Variants in CTXN2 observed in about 807,000 individuals in gnomAD.
CTXN2 encodes the protein cortexin 2.
In CTXN2, 3 loss-of-function variants were observed where a neutral mutation model predicts 5.7. The ratio of observed to expected loss-of-function variants is 0.53; its 90% CI spans 0.24 to 1.36. CTXN2 has a LOEUF of 1.36. CTXN2 is among the 40% of genes most tolerant of loss of function. The pLI is 0.17. For synonymous variants in CTXN2, 38 were observed against 36.4 expected (o/e 1.04, Z -0.16); for missense variants, 87 against 93.0 (o/e 0.94, Z 0.26).
chr15:48,193,412 C>G (rs1312993558), intron 1 of CTXN2, among the ~76,000 whole-genome samples: 1 of 151,404 alleles, frequency 6.6e-6, no homozygotes, highest in African/African-American at 2.4e-5. Context: ...TAATATATTT[C>G]AAATAACTTT....
intron 1 of CTXN2, among the ~76,000 whole-genome samples, chr15:48,185,263 G>T (rs1315823084): frequency 6.6e-6 from 1 of 152,068 alleles, no homozygotes; most frequent in Non-Finnish European, 1.5e-5. Context: ...CCAACAAAAA[G>T]AATAAACTCT....
intron 1 of CTXN2, among the ~76,000 whole-genome samples, chr15:48,182,113 C>G (rs1307134085): frequency 6.6e-6 from 1 of 152,104 alleles, no homozygotes; most frequent in Non-Finnish European, 1.5e-5. Context: ...CCTCCTTTCT[C>G]TCTCTCTCTC....
chr15:48,184,287 T>TGGC (rs2040727394), intron 1 of CTXN2, among the ~76,000 whole-genome samples: 1 of 152,194 alleles, frequency 6.6e-6, no homozygotes, highest in Non-Finnish European at 1.5e-5. Flanking sequence ...ATGAGAGGTG[T>TGGC]GGCTTTTATT....
chr15:48,179,418 T>C (rs11070628), intron 1 of CTXN2, among the ~76,000 whole-genome samples: 2,839 of 22,302 alleles, frequency 0.13, 54 homozygotes, highest in Middle Eastern at 0.25. Context: ...CACACACACA[T>C]ACACACACAC....
intron 1 of CTXN2, chr15:48,192,313 G>A (rs2040831950): frequency 6.5e-6 from 1 of 154,462 alleles, no homozygotes; most frequent in African/African-American, 2.4e-5. Context: ...GCCATCCAAA[G>A]ATTCTCTTAA....
upstream of CTXN2, chr15:48,191,469 G>C (rs557757476): frequency 9.2e-4 from 248 of 270,398 alleles, no homozygotes; most frequent in Non-Finnish European, 1.6e-3. Context: ...CTGAAGAATA[G>C]AGCCTGTTGC....
At chr15:48,178,557 C>T (rs2040648868) in intron 1 of CTXN2, 1 of 301,136 alleles carries the variant, frequency 3.3e-6, no homozygotes, top group African/African-American at 2.2e-5. Flanking sequence ...CCCACCAGCC[C>T]GCCTGTCGCT....
chr15:48,195,305 C>G (rs1237291271), intron 1 of CTXN2, among the ~76,000 whole-genome samples: 5 of 151,978 alleles, frequency 3.3e-5, no homozygotes, highest in Admixed American at 3.3e-4. Flanking sequence ...CAACCTCTAC[C>G]CTCTTTCATA....
intron 1 of CTXN2, among the ~76,000 whole-genome samples, chr15:48,196,794 G>A (rs1449537503): frequency 9.2e-5 from 14 of 151,942 alleles, no homozygotes; most frequent in Non-Finnish European, 7.4e-5. Flanking sequence ...GATCAATTCC[G>A]AGTTGCCAAT....
chr15:48,188,132 A>C (rs2040776710), upstream of CTXN2, among the ~76,000 whole-genome samples: 1 of 152,220 alleles, frequency 6.6e-6, no homozygotes, highest in Admixed American at 6.5e-5. Context: ...TTTTATGAGG[A>C]CATTTACATG....
rs1225509096 is a variant in CTXN2, at chr15:48,191,711, G to T, written c.-200G>T. ...ATTTACACTTCTAGGCCAGGAAAGC[G>T]CTAACCAGGGCCCTGTGACTCTACG... On this transcript the variant is annotated 5_prime_UTR_variant, in exon 1 of 2. Transcript: ENST00000417307. The T allele has an allele frequency of 4.4e-6, 2 of 455,908 alleles. No individual in the cohort carries two copies. Among genetic ancestry groups the T allele is most frequent in the Non-Finnish European group, 8.8e-6 (2 of 226,802 alleles). The allele number at this position is 455,908 out of a possible 1,614,324, so 28.2% of individuals were successfully genotyped here. A position where few individuals can be genotyped will look rare whatever the true frequency, so the allele number is the denominator to read the frequency against.
intron 1 of CTXN2, among the ~76,000 whole-genome samples, chr15:48,178,872 G>A (rs990627437): frequency 1.3e-5 from 2 of 151,926 alleles, no homozygotes; most frequent in Non-Finnish European, 2.9e-5. Flanking sequence ...AGGGGGTGAG[G>A]ATTTCCCAGG....
upstream of CTXN2, chr15:48,190,820 G>A (rs1010553625): frequency 6.6e-6 from 1 of 152,220 alleles, no homozygotes; most frequent in African/African-American, 2.4e-5. Flanking sequence ...AGGATAAAGA[G>A]CAAGGTTTCT....
In CTXN2 at chr15:48,201,521, G is replaced by A; in HGVS notation, c.221G>A (p.Gly74Glu). 4 of 1,551,128 alleles carry A rather than the reference G, an allele frequency of 2.6e-6. No homozygotes were observed. Among genetic ancestry groups the A allele is most frequent in the Non-Finnish European group, 3.5e-6 (4 of 1,146,572 alleles). Residue 74 changes from glycine to glutamate, a missense_variant, in exon 2 of 2, where the codon GGG becomes GAG. Gly to Glu is a moderately conservative substitution (Grantham distance 98). Transcript: ENST00000417307. ...WEDEVEEFDK[G>E]TFEYALA ...GATGAAGTTGAAGAGTTTGATAAAG[G>A]GACATTTGAATATGCACTCGCGTGA...
At chr15:48,195,528 C>A (rs896080639) in intron 1 of CTXN2, among the ~76,000 whole-genome samples, 1 of 152,130 alleles carries the variant, frequency 6.6e-6, no homozygotes, top group Admixed American at 6.6e-5. Context: ...CATACTCCCC[C>A]TTGCCTGTAC....
Position 48,201,552 on chromosome 15 carries a change from C to A in CTXN2, c.*6C>A. 6.4e-7 allele frequency: 1 copy of A among 1,550,628 alleles called. No homozygotes were observed. Reference sequence around the variant, plus strand: ...TTGAATATGCACTCGCGTGAGAGTTCCAGCTATATGGTTTTTATGGTTGTG... The same window carrying A: ...TTGAATATGCACTCGCGTGAGAGTTACAGCTATATGGTTTTTATGGTTGTG... On this transcript the variant is annotated 3_prime_UTR_variant, in exon 2 of 2. Transcript: ENST00000417307.
intron 1 of CTXN2, chr15:48,192,297 C>T (rs2140978473): frequency 6.4e-6 from 1 of 156,190 alleles, no homozygotes; most frequent in East Asian, 1.9e-4. Flanking sequence ...GTGTCAGAGT[C>T]CTTGAGCCAT....
chr15:48,187,206 A>C (rs951570151), upstream of CTXN2, among the ~76,000 whole-genome samples: 2 of 151,984 alleles, frequency 1.3e-5, no homozygotes, highest in African/African-American at 4.8e-5. Context: ...CAAAAAAGAC[A>C]TGGGTAGATA....
intron 1 of CTXN2, among the ~76,000 whole-genome samples, chr15:48,181,360 C>A (rs1263854943): frequency 6.6e-6 from 1 of 152,092 alleles, no homozygotes; most frequent in East Asian, 1.9e-4. Flanking sequence ...GGCACCTTGT[C>A]GGCATTGTAG....
Sources: gnomAD v4.1 joint callset for allele counts (sites outside exome capture counted in the v4.1 genomes callset) on GRCh38, gnomAD v4.1.1 for gene constraint, MANE v1.5 for transcripts, NCBI Gene and HGNC (gene_info 2026-07-23, HGNC 2026-07-21) for gene names.